PLPP6: variants seen among roughly 807,000 people sequenced by gnomAD.
PLPP6 encodes the protein phospholipid phosphatase 6, also known as polyisoprenoid diphosphate/phosphate phosphohydrolase PLPP6.
PLPP6 carries 16 observed loss-of-function variants against 16.5 expected under a neutral mutation model. The ratio of observed to expected loss-of-function variants is 0.97; its 90% confidence interval spans 0.66 to 1.47. The LOEUF is 1.47. PLPP6 is among the 40% of genes most tolerant of loss of function. The pLI, the probability that PLPP6 is intolerant of heterozygous loss-of-function variation, is 0.00. For synonymous variants in PLPP6, 226 were observed against 188.1 expected (o/e 1.20, Z -1.65); for missense variants, 512 against 396.6 (o/e 1.29, Z -2.47).
In PLPP6 at chr9:4,662,961, C is replaced by T. The variant is rs1410502412; in HGVS notation, c.586C>T (p.Gln196Ter). The change falls in exon 1 of 1, where the codon CAG (glutamine) becomes TAG (stop). Residue 196 changes from glutamine (Q) to a stop codon, truncating the protein, a stop_gained. Transcript: ENST00000381883. LOFTEE classifies it high-confidence loss of function. The surrounding 1 kb of genome is among the most constrained non-coding windows in gnomAD (Gnocchi z 4.9). ...LVRRRRPAHNQMDMFVTLSVD... is the reference protein window; with the variant it reads ...LVRRRRPAHN ...CCGCAGGCGCCGCCCGGCCCACAACCAGATGGACATGTTTGTCACTCTCTC... is the reference window on the plus strand; with the variant it reads ...CCGCAGGCGCCGCCCGGCCCACAACTAGATGGACATGTTTGTCACTCTCTC... The T allele has an allele frequency of 1.9e-6, 3 of 1,612,706 alleles. No individual in the cohort carries two copies. The highest frequency in any genetic ancestry group is 2.5e-6 in the Non-Finnish European group (3 of 1,179,938).
In PLPP6 at chr9:4,662,807, C is replaced by G; in HGVS notation, c.432C>G (p.Ile144Met). The G allele has an allele frequency of 6.2e-7, 1 of 1,605,086 alleles. No individual in the cohort carries two copies. Among genetic ancestry groups the G allele is most frequent in the Non-Finnish European group, 8.5e-7 (1 of 1,179,932 alleles). ...TGCTGGAGATCTCGGGACACGGCAT[C>G]CCCTGGCTGCTGGGCACCCTCTACT... ...MKLLEISGHG[I>M]PWLLGTLYCL... Residue 144 changes from isoleucine to methionine, a missense_variant, in exon 1 of 1, where the codon ATC becomes ATG. Physicochemically the swap from Ile to Met is conservative, Grantham distance 10. Coordinates refer to ENST00000381883, the MANE Select transcript of PLPP6 (RefSeq NM_203453.5). This position sits in a 1 kb window ranked among gnomAD's most constrained non-coding sequence, Gnocchi z 4.9.
chr9:4,663,321 C>T lies in PLPP6; in HGVS notation c.*58C>T. The T allele has an allele frequency of 6.5e-7, 1 of 1,527,604 alleles. No individual in the cohort carries two copies. Among genetic ancestry groups the T allele is most frequent in the Non-Finnish European group, 8.9e-7 (1 of 1,120,310 alleles). The allele number at this position is 1,527,604 out of a possible 1,614,324, so 94.6% of individuals were successfully genotyped here. ...TGAAGGTTTCCACATTCGATGATGT[C>T]AACCTAAACCAGCAGCCATCCCGCT... On this transcript the variant is annotated 3_prime_UTR_variant, in exon 1 of 1. Transcript: ENST00000381883.
Position 4,663,919 on chromosome 9 carries a change from TCTCTC to T in PLPP6, c.*663_*667del, listed in dbSNP as rs1301062121. The T allele has an allele frequency of 1.2e-5, 2 of 167,050 alleles. No homozygotes were observed. The highest frequency in any genetic ancestry group is 2.9e-5 in the Non-Finnish European group (2 of 68,126). The allele number at this position is 167,050 out of a possible 1,614,324, so 10.3% of individuals were successfully genotyped here. A position where few individuals can be genotyped will look rare whatever the true frequency, so the allele number is the denominator to read the frequency against. ...GAAAAGAGATTATAATACTTGTCTT[TCTCTC>T]CTCTCCCTCCATCCCTCAAAAGATC... is the stretch of plus-strand genomic sequence containing the variant. On this transcript the variant is annotated 3_prime_UTR_variant, in exon 1 of 1. Transcript: ENST00000381883.
chr9:4,663,023 A>G lies in PLPP6; in HGVS notation c.648A>G (p.Thr216=). The G allele has an allele frequency of 6.2e-7, 1 of 1,613,590 alleles. No homozygotes were observed. Among genetic ancestry groups the G allele is most frequent in the Non-Finnish European group, 8.5e-7 (1 of 1,179,924 alleles). The change falls in exon 1 of 1, where the codon ACA becomes ACG. Residue 216 remains threonine (T), a synonymous_variant. Coordinates refer to ENST00000381883, the MANE Select transcript of PLPP6 (RefSeq NM_203453.5). ...ACTCCTTCCCCTCGGGCCATGCCACAAGGGCCGCCCTGATGTCGAGGTTCA... is the reference window on the plus strand; with the variant it reads ...ACTCCTTCCCCTCGGGCCATGCCACGAGGGCCGCCCTGATGTCGAGGTTCA... ...DKYSFPSGHA[T]RAALMSRFIL... is the part of the protein sequence containing the mutation.
Position 4,663,409 on chromosome 9 carries a change from T to C in PLPP6, c.*146T>C. On this transcript the variant is annotated 3_prime_UTR_variant, in exon 1 of 1. Coordinates refer to ENST00000381883, the MANE Select transcript of PLPP6 (RefSeq NM_203453.5). ...CAGGTGTCCCATGATCTTGATGTGC[T>C]GCTAGGCTGGAGCACACACTGGCCA... 3 of 888,096 alleles carry C rather than the reference T, an allele frequency of 3.4e-6. No homozygotes were observed. Among genetic ancestry groups the C allele is most frequent in the Admixed American group, 2.4e-5 (1 of 41,436 alleles). The allele number at this position is 888,096 out of a possible 1,614,324, so 55.0% of individuals were successfully genotyped here. A position where few individuals can be genotyped will look rare whatever the true frequency, so the allele number is the denominator to read the frequency against.
rs1840656739 is a variant in PLPP6 at position 4,665,018 on chromosome 9, C to T, written c.*1755C>T. On this transcript the variant is annotated 3_prime_UTR_variant, in exon 1 of 1. Coordinates refer to ENST00000381883, the MANE Select transcript of PLPP6 (RefSeq NM_203453.5). ...CAAATGATATTTCCTCTTGCAGTGT[C>T]CACAAATCTGAATATTAGGGGCATG... The T allele has an allele frequency of 1.2e-5, 2 of 167,074 alleles. No individual in the cohort carries two copies. Among genetic ancestry groups the T allele is most frequent in the South Asian group, 4.1e-4 (2 of 4,830 alleles). The allele number at this position is 167,074 out of a possible 1,614,324, so 10.3% of individuals were successfully genotyped here.
At position 4,664,295 on chromosome 9, in the gene PLPP6, A is replaced by G. The variant is rs1467945210; in HGVS notation, c.*1032A>G. 6.0e-6 allele frequency: 1 copy of G among 166,926 alleles called. No homozygotes were observed. The highest frequency in any genetic ancestry group is 1.5e-5 in the Non-Finnish European group (1 of 68,130). The allele number at this position is 166,926 out of a possible 1,614,324, so 10.3% of individuals were successfully genotyped here. ...CAGGGTAATAAAGTGGGGAAAAGGA[A>G]CGTCTTCTCAATGCAAGAACATAAG... On this transcript the variant is annotated 3_prime_UTR_variant, in exon 1 of 1. Transcript: ENST00000381883.
chr9:4,662,575 G>A lies in PLPP6; in HGVS notation c.200G>A (p.Arg67His). The A allele has an allele frequency of 1.3e-6, 2 of 1,587,728 alleles. No homozygotes were observed. Among genetic ancestry groups the A allele is most frequent in the South Asian group, 2.2e-5 (2 of 89,972 alleles). The change falls in exon 1 of 1, where the codon CGC becomes CAC. Residue 67 changes from arginine (R) to histidine (H), a missense_variant. By Grantham distance (29) the Arg-to-His change is conservative. Coordinates refer to ENST00000381883, the MANE Select transcript of PLPP6 (RefSeq NM_203453.5). This position sits in a 1 kb window ranked among gnomAD's most constrained non-coding sequence, Gnocchi z 4.9. ...RLRASESPVH[R>H]RGSFPLAAAG... is the part of the protein sequence containing the mutation. Reference sequence around the variant, plus strand: ...CGTGCATCGGAGAGCCCAGTTCACCGCCGCGGCTCCTTCCCCCTGGCCGCG... The same window carrying A: ...CGTGCATCGGAGAGCCCAGTTCACCACCGCGGCTCCTTCCCCCTGGCCGCG...
Position 4,664,361 on chromosome 9 carries a change from A to T in PLPP6, c.*1098A>T, listed in dbSNP as rs146368881. 657 of 167,080 alleles carry T rather than the reference A, an allele frequency of 3.9e-3. 10 individuals are homozygous for T. Among genetic ancestry groups the T allele is most frequent in the Middle Eastern group, 0.024 (7 of 296 alleles). 10.3% of individuals were successfully genotyped at this position (167,080 alleles called of 1,614,324 possible). ...CTGTATGCTACAGTTTTTCACATGG[A>T]ATTCCGTTTTCTGAGGTACAGCACA... On this transcript the variant is annotated 3_prime_UTR_variant, in exon 1 of 1. Coordinates refer to ENST00000381883, the MANE Select transcript of PLPP6 (RefSeq NM_203453.5).
In PLPP6 at chr9:4,662,417, C is replaced by A. The variant is rs776628224; in HGVS notation, c.42C>A (p.Gly14=). Residue 14 remains glycine (G), a synonymous_variant, in exon 1 of 1, where the codon GGC becomes GGA. Transcript: ENST00000381883. This position sits in a 1 kb window ranked among gnomAD's most constrained non-coding sequence, Gnocchi z 4.9. ...GGAGCATGGAGGGACGGCCGCTGGGCGTCTCCGCTTCGAGCAGCAGCAGCA... is the reference window on the plus strand; with the variant it reads ...GGAGCATGGAGGGACGGCCGCTGGGAGTCTCCGCTTCGAGCAGCAGCAGCA... The part of the protein sequence containing the change: ...PRRSMEGRPL[G]VSASSSSSSP... 43 of 1,537,570 alleles carry A rather than the reference C, an allele frequency of 2.8e-5. No homozygotes were observed. Among genetic ancestry groups the A allele is most frequent in the Non-Finnish European group, 3.6e-5 (41 of 1,150,162 alleles).
At position 4,662,432 on chromosome 9, in the gene PLPP6, C is replaced by T; in HGVS notation, c.57C>T (p.Ser19=). The T allele has an allele frequency of 6.5e-7, 1 of 1,537,114 alleles. No homozygotes were observed. Among genetic ancestry groups the T allele is most frequent in the Non-Finnish European group, 8.7e-7 (1 of 1,149,950 alleles). ...GGCCGCTGGGCGTCTCCGCTTCGAG[C>T]AGCAGCAGCAGCCCCGGCAGCCCAG... ...EGRPLGVSAS[S]SSSSPGSPAH... The change falls in exon 1 of 1, where the codon AGC becomes AGT. Residue 19 remains serine, a synonymous_variant. Transcript: ENST00000381883. This position sits in a 1 kb window ranked among gnomAD's most constrained non-coding sequence, Gnocchi z 4.9.
Position 4,663,654 on chromosome 9 carries a change from G to A in PLPP6, c.*391G>A, listed in dbSNP as rs1408264209. ...AAACTGAACTTCGAGAAAGAAACAT[G>A]ATGTTCATTCTGTAAATATACATGC... On this transcript the variant is annotated 3_prime_UTR_variant, in exon 1 of 1. Transcript: ENST00000381883. 1 of 202,352 alleles carries A rather than the reference G, an allele frequency of 4.9e-6. No individual in the cohort carries two copies. Among genetic ancestry groups the A allele is most frequent in the African/African-American group, 2.3e-5 (1 of 42,564 alleles). 12.5% of individuals were successfully genotyped at this position (202,352 alleles called of 1,614,324 possible). A position where few individuals can be genotyped will look rare whatever the true frequency, so the allele number is the denominator to read the frequency against.
At position 4,664,757 on chromosome 9, in the gene PLPP6, A is replaced by G. The variant is rs199997571; in HGVS notation, c.*1494A>G. On this transcript the variant is annotated 3_prime_UTR_variant, in exon 1 of 1. Coordinates refer to ENST00000381883, the MANE Select transcript of PLPP6 (RefSeq NM_203453.5). ...GTTCGGAACCTGGAGAACGGCTGTG[A>G]TAAGTAGGTTTTGATTGAGTGAAAG... is the stretch of plus-strand genomic sequence containing the variant. 6.0e-6 allele frequency: 1 copy of G among 167,098 alleles called. No individual in the cohort carries two copies. The highest frequency in any genetic ancestry group is 1.5e-5 in the Non-Finnish European group (1 of 68,122). 10.4% of individuals were successfully genotyped at this position (167,098 alleles called of 1,614,324 possible). A position where few individuals can be genotyped will look rare whatever the true frequency, so the allele number is the denominator to read the frequency against.
rs1269657523 is a variant in PLPP6 at position 4,663,794 on chromosome 9, T to G, written c.*531T>G. ...TTCCCTGAAGATCTGTTGCCACAGTTGGGAGATTTCTTCTTAATCCTGATT... is the reference window on the plus strand; with the variant it reads ...TTCCCTGAAGATCTGTTGCCACAGTGGGGAGATTTCTTCTTAATCCTGATT... On this transcript the variant is annotated 3_prime_UTR_variant, in exon 1 of 1. Transcript: ENST00000381883. The G allele has an allele frequency of 6.0e-6, 1 of 167,066 alleles. No homozygotes were observed. Among genetic ancestry groups the G allele is most frequent in the African/African-American group, 2.4e-5 (1 of 41,464 alleles). 10.3% of individuals were successfully genotyped at this position (167,066 alleles called of 1,614,324 possible). A position where few individuals can be genotyped will look rare whatever the true frequency, so the allele number is the denominator to read the frequency against.
At position 4,662,882 on chromosome 9, in the gene PLPP6, G is replaced by A. The variant is rs761595054; in HGVS notation, c.507G>A (p.Leu169=). 18 of 1,606,600 alleles carry A rather than the reference G, an allele frequency of 1.1e-5. No individual in the cohort carries two copies. In the East Asian group the frequency reaches 3.8e-4, roughly 34 times the overall value. ...SWAGREVLMN[L]LFALLLDLLL... is the part of the protein sequence containing the mutation. ...CCGGGCGCGAGGTGCTGATGAACCT[G>A]CTCTTCGCCCTGCTGTTGGACCTGC... Residue 169 remains leucine, a synonymous_variant, in exon 1 of 1, where the codon CTG becomes CTA. Transcript: ENST00000381883. This position sits in a 1 kb window ranked among gnomAD's most constrained non-coding sequence, Gnocchi z 4.9.
In PLPP6 at chr9:4,665,023, A is replaced by G. The variant is rs759391916; in HGVS notation, c.*1760A>G. On this transcript the variant is annotated 3_prime_UTR_variant, in exon 1 of 1. Transcript: ENST00000381883. The stretch of plus-strand genomic sequence containing the variant: ...GATATTTCCTCTTGCAGTGTCCACA[A>G]ATCTGAATATTAGGGGCATGAAATT... 6.6e-5 allele frequency: 11 copies of G among 167,120 alleles called. No individual in the cohort carries two copies. Among genetic ancestry groups the G allele is most frequent in the Non-Finnish European group, 1.3e-4 (9 of 68,116 alleles). The allele number at this position is 167,120 out of a possible 1,614,324, so 10.4% of individuals were successfully genotyped here.
rs1178330822 is a variant in PLPP6 at position 4,663,219 on chromosome 9, C to G, written c.844C>G (p.Pro282Ala). The G allele has an allele frequency of 6.2e-7, 1 of 1,614,010 alleles. No individual in the cohort carries two copies. The highest frequency in any genetic ancestry group is 1.3e-5 in the African/African-American group (1 of 74,926). The change falls in exon 1 of 1, where the codon CCC becomes GCC. Residue 282 changes from proline (P) to alanine (A), a missense_variant. Transcript: ENST00000381883. ...YSIVDYCWLS[P>A]HNAPVLFLLW... ...CATCGTGGACTATTGCTGGCTCTCA[C>G]CCCATAATGCTCCGGTCCTCTTTTT... is the stretch of plus-strand genomic sequence containing the variant.
In PLPP6 at chr9:4,662,326, AAGCC is replaced by A; in HGVS notation, c.-49_-46del. 3 of 1,447,754 alleles carry A rather than the reference AAGCC, an allele frequency of 2.1e-6. No homozygotes were observed. The highest frequency in any genetic ancestry group is 2.7e-6 in the Non-Finnish European group (3 of 1,106,316). The allele number at this position is 1,447,754 out of a possible 1,614,324, so 89.7% of individuals were successfully genotyped here. On this transcript the variant is annotated 5_prime_UTR_variant, in exon 1 of 1. Transcript: ENST00000381883. The surrounding 1 kb of genome is among the most constrained non-coding windows in gnomAD (Gnocchi z 4.9). ...AAGCGGAAGAGGCTGCAGGGCCGGG[AAGCC>A]TCTGTTTGGTCCGGCCAGGTCCCGG...
chr9:4,662,858 C>T lies in PLPP6; in HGVS notation c.483C>T (p.Ala161=), dbSNP rs1171149265. Residue 161 remains alanine (A), a synonymous_variant, in exon 1 of 1, where the codon GCC becomes GCT. Coordinates refer to ENST00000381883, the MANE Select transcript of PLPP6 (RefSeq NM_203453.5). This position sits in a 1 kb window ranked among gnomAD's most constrained non-coding sequence, Gnocchi z 4.9. ...LYCLCRSDSW[A]GREVLMNLLF... ...GCCTGTGCAGGAGCGACAGCTGGGCCGGGCGCGAGGTGCTGATGAACCTGC... is the reference window on the plus strand; with the variant it reads ...GCCTGTGCAGGAGCGACAGCTGGGCTGGGCGCGAGGTGCTGATGAACCTGC... 1 of 1,605,250 alleles carries T rather than the reference C, an allele frequency of 6.2e-7. No individual in the cohort carries two copies. Among genetic ancestry groups the T allele is most frequent in the Non-Finnish European group, 8.5e-7 (1 of 1,179,950 alleles).
Sources: gnomAD v4.1 joint callset for allele counts on GRCh38, gnomAD v4.1.1 for gene constraint, Gnocchi (gnomAD v3.1) non-coding constraint, MANE v1.5 for transcripts, NCBI Gene and HGNC (gene_info 2026-07-23, HGNC 2026-07-21) for gene names.